IL22RA1: variants seen among roughly 807,000 people sequenced by gnomAD.
The protein encoded by IL22RA1 is interleukin-22 receptor subunit alpha-1.
Under a neutral mutation model 32.8 loss-of-function variants are expected in IL22RA1, and 25 were observed. The observed-to-expected ratio is 0.76, with a 90% CI of 0.55 to 1.06. IL22RA1 has a LOEUF of 1.06. IL22RA1 is among the 50% of genes least tolerant of loss of function. The probability of loss-of-function intolerance (pLI) is 0.00; values close to 1 mark genes in which losing one functional copy is unlikely to be tolerated. For synonymous variants in IL22RA1, 305 were observed against 305.0 expected, an observed-to-expected ratio of 1.00 and a Z score of 0.00; for missense variants, 709 against 727.4, an observed-to-expected ratio of 0.97 and a Z score of 0.29.
chr1:24,133,259 C>A (rs1319637479), intron 4 of IL22RA1, among the ~76,000 whole-genome samples: 1 of 151,846 alleles, frequency 6.6e-6, no homozygotes, highest in Non-Finnish European at 1.5e-5. Flanking sequence ...CATATTATGT[C>A]ATTTTTGGCT....
chr1:24,120,640 G>T lies in IL22RA1; in HGVS notation c.*165C>A. 1.5e-6 allele frequency: 1 copy of T among 650,362 alleles called. No homozygotes were observed. The highest frequency in any genetic ancestry group is 3.0e-5 in the Admixed American group (1 of 33,582). 40.3% of individuals were successfully genotyped at this position (650,362 alleles called of 1,614,324 possible). On this transcript the variant is annotated 3_prime_UTR_variant, in exon 7 of 7. Coordinates refer to ENST00000270800, the MANE Select transcript of IL22RA1 (RefSeq NM_021258.4). ...ATGCTGCTTTGCTCCGGTGAGGAGC[G>T]CACCCATGGCAGGGGCCCTGCATGC...
At chr1:24,129,563 C>A (rs1441624545) in intron 4 of IL22RA1, among the ~76,000 whole-genome samples, 1 of 152,166 alleles carries the variant, frequency 6.6e-6, no homozygotes, top group African/African-American at 2.4e-5. Flanking sequence ...GGACAAATCC[C>A]CTCTCATATC....
intron 1 of IL22RA1, among the ~76,000 whole-genome samples, chr1:24,140,807 G>A (rs1186315566): frequency 6.6e-6 from 1 of 152,264 alleles, no homozygotes; most frequent in Non-Finnish European, 1.5e-5. Context: ...GAAATAAACA[G>A]GTGGGAAAAT....
intron 4 of IL22RA1, among the ~76,000 whole-genome samples, chr1:24,131,065 T>C (rs1644201613): frequency 6.6e-6 from 1 of 152,224 alleles, no homozygotes; most frequent in Non-Finnish European, 1.5e-5. Flanking sequence ...AATAAGCTCA[T>C]ATTGAATGAA....
rs1644292358 is a variant in IL22RA1, at chr1:24,143,061, A to C, written c.22T>G (p.Leu8Val). ...TCACCAGCCAGGGATCCCACAGTCA[A>C]GATGGTCAGCAGCGTCCTCATCGGG... The part of the protein sequence containing the change: MRTLLTI[L>V]TVGSLAAHAP... The change falls in exon 1 of 7, where the codon TTG becomes GTG. Residue 8 changes from leucine to valine, a missense_variant. Transcript: ENST00000270800. 1.2e-6 allele frequency: 2 copies of C among 1,613,478 alleles called. No homozygotes were observed. Among genetic ancestry groups the C allele is most frequent in the Non-Finnish European group, 1.7e-6 (2 of 1,179,812 alleles).
At chr1:24,137,953 G>A (rs1258045846) in intron 2 of IL22RA1, among the ~76,000 whole-genome samples, 1 of 152,188 alleles carries the variant, frequency 6.6e-6, no homozygotes, top group African/African-American at 2.4e-5. Flanking sequence ...CATCACCATA[G>A]TCCTTTGATG....
rs752138949 is a variant in IL22RA1, at chr1:24,123,282, A to G, written c.792+20T>C. On this transcript the variant is annotated intron_variant, in intron 6 of 6. Coordinates refer to ENST00000270800, the MANE Select transcript of IL22RA1 (RefSeq NM_021258.4). ...GCCCTCCCCTGGACCTCTCCCTCCC[A>G]CCCTGGGGGGATGGCTCACCAGGGA... 3.1e-6 allele frequency: 5 copies of G among 1,611,560 alleles called. No homozygotes were observed. The highest frequency in any genetic ancestry group is 4.2e-6 in the Non-Finnish European group (5 of 1,178,570).
At chr1:24,126,281 T>C (rs1407297274) in intron 5 of IL22RA1, among the ~76,000 whole-genome samples, 1 of 152,260 alleles carries the variant, frequency 6.6e-6, no homozygotes, top group Non-Finnish European at 1.5e-5. Context: ...CCGTGAGGCA[T>C]AGCTCCCCTG....
chr1:24,138,745 G>A (rs1260031980), intron 1 of IL22RA1, 31 bp from the exon 2 acceptor site: 1 of 1,608,694 alleles, frequency 6.2e-7, no homozygotes, highest in Non-Finnish European at 8.5e-7. Context: ...GGTGAGCAGG[G>A]GCTTTCCCAG....
intron 5 of IL22RA1, among the ~76,000 whole-genome samples, chr1:24,125,670 G>A (rs968543997): frequency 2.6e-5 from 4 of 152,224 alleles, no homozygotes; most frequent in Non-Finnish European, 4.4e-5. Flanking sequence ...GCAGCTGTGC[G>A]GTCACAGGGA....
chr1:24,141,674 C>T (rs1056537277), intron 1 of IL22RA1, among the ~76,000 whole-genome samples: 18 of 152,158 alleles, frequency 1.2e-4, no homozygotes. Flanking sequence ...CCTCTTCTCC[C>T]ACCCTCCTCG....
chr1:24,129,091 C>T (rs972233810), intron 4 of IL22RA1, among the ~76,000 whole-genome samples: 2 of 152,194 alleles, frequency 1.3e-5, no homozygotes, highest in Admixed American at 6.5e-5. Flanking sequence ...TCTCGTTCTT[C>T]TGTGTATCTC....
Position 24,129,946 on chromosome 1 carries a change from T to C in IL22RA1, c.532-1667A>G, listed in dbSNP as rs144094748. On this transcript the variant is annotated intron_variant, in intron 4 of 6. Coordinates refer to ENST00000270800, the MANE Select transcript of IL22RA1 (RefSeq NM_021258.4). ...ACCTCCATCCTGGTTCAGGCCCTCA[T>C]TTCCAGCCTATACCATTGCAATAAT... is the stretch of plus-strand genomic sequence containing the variant. Among the ~76,000 whole-genome samples the C allele has an allele frequency of 4.3e-3, 650 of 152,336 alleles. 3 individuals are homozygous for C. Among genetic ancestry groups the C allele is most frequent in the Non-Finnish European group, 8.1e-3 (549 of 68,030 alleles).
At chr1:24,139,789 T>C (rs923948952) in intron 1 of IL22RA1, among the ~76,000 whole-genome samples, 28 of 152,372 alleles carry the variant, frequency 1.8e-4, no homozygotes, top group African/African-American at 6.5e-4. Context: ...CCAGCATTGT[T>C]TGAGGGGTTC....
chr1:24,137,437 G>A (rs974728657), intron 2 of IL22RA1, 128 bp from the exon 3 acceptor site: 13 of 717,986 alleles, frequency 1.8e-5, no homozygotes, highest in Middle Eastern at 6.2e-4. Flanking sequence ...CCCTTTATGC[G>A]AATGATCTCA....
At chr1:24,140,852 C>T (rs544787137) in intron 1 of IL22RA1, among the ~76,000 whole-genome samples, 1 of 152,370 alleles carries the variant, frequency 6.6e-6, no homozygotes, top group South Asian at 2.1e-4. Context: ...GGCCTTGCGG[C>T]CTGGGTGTGT....
rs748833350 is a variant in IL22RA1, at chr1:24,138,683, G to T, written c.75C>A (p.Leu25=). Residue 25 remains leucine, a synonymous_variant, in exon 2 of 7, where the codon CTC becomes CTA. Coordinates refer to ENST00000270800, the MANE Select transcript of IL22RA1 (RefSeq NM_021258.4). ...TGCTGGACTGGAATTTCACGTGCTGGAGCAGATCCGAGGGGTCCTCAGGGG... is the reference window on the plus strand; with the variant it reads ...TGCTGGACTGGAATTTCACGTGCTGTAGCAGATCCGAGGGGTCCTCAGGGG... ...AHAPEDPSDL[L]QHVKFQSSNF... is the part of the protein sequence containing the mutation. 1.9e-6 allele frequency: 3 copies of T among 1,614,084 alleles called. No homozygotes were observed. The African/African-American group carries it at 4.0e-5, about 22-fold the overall frequency.
At chr1:24,121,898 G>C (rs1644126808) in intron 6 of IL22RA1, among the ~76,000 whole-genome samples, 161 bp from the exon 7 acceptor site, 1 of 152,176 alleles carries the variant, frequency 6.6e-6, no homozygotes, top group Non-Finnish European at 1.5e-5. Flanking sequence ...GACTCCTCTA[G>C]GTGCAAGTGC....
chr1:24,123,379 TGGAGAACA>T lies in IL22RA1; in HGVS notation c.707_714del (p.Leu236HisfsTer50). The T allele has an allele frequency of 6.2e-7, 1 of 1,613,966 alleles. No homozygotes were observed. Among genetic ancestry groups the T allele is most frequent in the African/African-American group, 1.3e-5 (1 of 75,014 alleles). Reference sequence around the variant, plus strand: ...CAGAGTACTGCGACGAGGAAGCCCATGGAGAACAGGAAGGCTCCGGAGAAGGAGTAGGT... The same window carrying T: ...CAGAGTACTGCGACGAGGAAGCCCATGGAAGGCTCCGGAGAAGGAGTAGGT... On this transcript the variant is annotated frameshift_variant, in exon 6 of 7. Coordinates refer to ENST00000270800, the MANE Select transcript of IL22RA1 (RefSeq NM_021258.4). LOFTEE classifies it high-confidence loss of function.
Sources: gnomAD v4.1 joint callset for allele counts (sites outside exome capture counted in the v4.1 genomes callset) on GRCh38, gnomAD v4.1.1 for gene constraint, MANE v1.5 for transcripts, NCBI Gene and HGNC (gene_info 2026-07-23, HGNC 2026-07-21) for gene names.